Variants in CNOT1 observed in about 807,000 individuals in gnomAD.
CNOT1 encodes CCR4-associated factor 1.
CNOT1 carries 15 observed loss-of-function variants against 273.8 expected under a neutral mutation model. The observed-to-expected ratio is 0.05, with a 90% CI of 0.04 to 0.08. The LOEUF is 0.08. Among genes scored for constraint, CNOT1 ranks in the 10% least tolerant of loss-of-function variants. The pLI is 1.00. For synonymous variants in CNOT1, 1,022 were observed against 1,005.5 expected (o/e 1.02, Z -0.31); for missense variants, 1,644 against 2,912.2 (o/e 0.56, Z 10.02).
chr16:58,567,503 G>A (rs927504986), intron 16 of CNOT1, among the ~76,000 whole-genome samples: 2 of 150,760 alleles, frequency 1.3e-5, no homozygotes, highest in Admixed American at 6.6e-5. Context: ...AGGCATGCAT[G>A]GTAGCATATA....
At chr16:58,539,661 A>G in intron 35 of CNOT1, 107 bp downstream of exon 35, 18 of 1,157,512 alleles carry the variant, frequency 1.6e-5, no homozygotes, top group Non-Finnish European at 2.1e-5. Context: ...AACTTGATTT[A>G]TATTATGAAA....
rs551860840 is a variant in CNOT1, at chr16:58,551,122, G to A, written c.3342+10C>T. 1 of 1,606,612 alleles carries A rather than the reference G, an allele frequency of 6.2e-7. No homozygotes were observed. The highest frequency in any genetic ancestry group is 8.5e-7 in the Non-Finnish European group (1 of 1,178,226). Reference sequence around the variant, plus strand: ...AAGAAGGCATTTATAAACTATGACAGCATGCTCACCTTTTGTGTCATATTT... The same window carrying A: ...AAGAAGGCATTTATAAACTATGACAACATGCTCACCTTTTGTGTCATATTT... On this transcript the variant is annotated intron_variant, in intron 24 of 48. Coordinates refer to ENST00000317147, the MANE Select transcript of CNOT1 (RefSeq NM_016284.5).
At chr16:58,597,676 G>C in intron 2 of CNOT1, 1 of 498,894 alleles carries the variant, frequency 2.0e-6, no homozygotes, top group South Asian at 1.5e-5. Context: ...AACCATACAA[G>C]GACTCTCCCA....
rs766564282 is a variant in CNOT1 at position 58,555,927 on chromosome 16, GA to G, written c.2480-20del. ...AAGTCCGCTGTTGGAAACAAAAAAG[GA>G]ATCAGTGGGCATTTAAGCCCTTCCT... On this transcript the variant is annotated intron_variant, in intron 19 of 48. Coordinates refer to ENST00000317147, the MANE Select transcript of CNOT1 (RefSeq NM_016284.5). The G allele has an allele frequency of 6.2e-7, 1 of 1,608,672 alleles. No individual in the cohort carries two copies. The highest frequency in any genetic ancestry group is 1.1e-5 in the South Asian group (1 of 91,036).
At chr16:58,538,936 C>CA (rs761021856) in intron 35 of CNOT1, 22 bp from the exon 36 acceptor site, 1 of 1,607,306 alleles carries the variant, frequency 6.2e-7, no homozygotes, top group Non-Finnish European at 8.5e-7. Flanking sequence ...AGAAAGCGTT[C>CA]AAAACCATGA....
chr16:58,576,527 A>T lies in CNOT1; in HGVS notation c.1640T>A (p.Met547Lys). 1.9e-6 allele frequency: 3 copies of T among 1,614,144 alleles called. No individual in the cohort carries two copies. Among genetic ancestry groups the T allele is most frequent in the Non-Finnish European group, 2.5e-6 (3 of 1,180,014 alleles). The change falls in exon 14 of 49, where the codon ATG becomes AAG. Residue 547 changes from methionine to lysine, a missense_variant. Met to Lys is a moderately conservative substitution (Grantham distance 95). Coordinates refer to ENST00000317147, the MANE Select transcript of CNOT1 (RefSeq NM_016284.5). ...GGCCTGATCATACTGCTCCCCTCTC[A>T]TGTACCATTCTGCCATTGCATGCAT... is the stretch of plus-strand genomic sequence containing the variant. ...LIMHAMAEWY[M>K]RGEQYDQAKL...
intron 1 of CNOT1, among the ~76,000 whole-genome samples, chr16:58,605,079 T>C (rs1020230218): frequency 6.6e-6 from 1 of 152,010 alleles, no homozygotes; most frequent in African/African-American, 2.4e-5. Context: ...GAGATTGCAG[T>C]GAGCCGAGAT....
At chr16:58,577,803 G>C (rs1307715092) in intron 13 of CNOT1, among the ~76,000 whole-genome samples, 1 of 149,218 alleles carries the variant, frequency 6.7e-6, no homozygotes, top group Non-Finnish European at 1.5e-5. Flanking sequence ...TTGCATCACT[G>C]CACTCCAGCC....
At chr16:58,575,804 A>G (rs1309794868) in intron 14 of CNOT1, among the ~76,000 whole-genome samples, 1 of 152,190 alleles carries the variant, frequency 6.6e-6, no homozygotes, top group Non-Finnish European at 1.5e-5. Flanking sequence ...TCTCCAAAAA[A>G]AAAAGATATA....
chr16:58,542,916 C>A (rs1275822186), intron 31 of CNOT1, among the ~76,000 whole-genome samples: 1 of 152,048 alleles, frequency 6.6e-6, no homozygotes, highest in African/African-American at 2.4e-5. Flanking sequence ...CATGGTGAAG[C>A]CACTTCTCTA....
intron 1 of CNOT1, among the ~76,000 whole-genome samples, chr16:58,605,390 C>T (rs1183261430): frequency 2.6e-5 from 4 of 151,972 alleles, no homozygotes; most frequent in Non-Finnish European, 5.9e-5. Flanking sequence ...GTAATCCCGG[C>T]TACTCAGGAG....
chr16:58,553,029 T>C (rs2040506466), intron 22 of CNOT1, among the ~76,000 whole-genome samples: 1 of 152,154 alleles, frequency 6.6e-6, no homozygotes, highest in Non-Finnish European at 1.5e-5. Flanking sequence ...TCCCAGCACT[T>C]TGCAGGGCGG....
chr16:58,528,308 A>G (rs778396152), intron 44 of CNOT1, 167 bp downstream of exon 44: 1 of 643,716 alleles, frequency 1.6e-6, no homozygotes, highest in South Asian at 1.8e-5. Flanking sequence ...CAATAGCAAC[A>G]ATATCATACC....
chr16:58,538,365 G>C, intron 36 of CNOT1, 99 bp from the exon 37 acceptor site: 1 of 700,614 alleles, frequency 1.4e-6, no homozygotes. Flanking sequence ...AGAATGCCTT[G>C]AGATTCAACT....
chr16:58,583,314 T>C (rs933162373), intron 8 of CNOT1, 132 bp from the exon 9 acceptor site: 52 of 1,462,074 alleles, frequency 3.6e-5, no homozygotes, highest in Non-Finnish European at 4.2e-5. Context: ...GTAAGTGTTA[T>C]TTCTTGTTAC....
intron 1 of CNOT1, among the ~76,000 whole-genome samples, chr16:58,606,413 A>AC (rs2042678449): frequency 6.6e-6 from 1 of 152,034 alleles, no homozygotes; most frequent in Non-Finnish European, 1.5e-5. Context: ...AATAAGTAAA[A>AC]CAGCAACTGA....
intron 1 of CNOT1, among the ~76,000 whole-genome samples, chr16:58,618,114 CAAG>C (rs1173395415): frequency 6.6e-6 from 1 of 152,108 alleles, no homozygotes; most frequent in Non-Finnish European, 1.5e-5. Flanking sequence ...GTGGCTAACA[CAAG>C]TTATTAGAAA....
At chr16:58,589,648 T>C (rs2041989832) in intron 2 of CNOT1, among the ~76,000 whole-genome samples, 1 of 152,208 alleles carries the variant, frequency 6.6e-6, no homozygotes, top group Non-Finnish European at 1.5e-5. Flanking sequence ...TGATCAAATG[T>C]GTAACAAAAG....
chr16:58,621,725 T>C (rs2043324318), intron 1 of CNOT1, among the ~76,000 whole-genome samples: 1 of 148,074 alleles, frequency 6.8e-6, no homozygotes, highest in South Asian at 2.1e-4. Context: ...GAGACCATCC[T>C]GGCTAACACG....
Sources: allele counts gnomAD v4.1 joint callset (sites outside exome capture counted in the v4.1 genomes callset), GRCh38; gene constraint gnomAD v4.1.1; transcripts MANE v1.5; gene names NCBI Gene and HGNC (gene_info 2026-07-23, HGNC 2026-07-21).